The following ADAMTS17 variants were observed in gnomAD, a reference collection of about 807,000 sequenced individuals.
ADAMTS17 encodes A disintegrin and metalloproteinase with thrombospondin motifs 17.
In ADAMTS17, 113 loss-of-function variants were observed where a neutral mutation model predicts 141.5. That is an observed-to-expected ratio of 0.80 (90% CI 0.69 to 0.93). The LOEUF (loss-of-function observed/expected upper bound fraction) is 0.93, where lower values mean the gene tolerates loss of function less well. ADAMTS17 is among the 40% of genes least tolerant of loss of function. The pLI is 0.00. For synonymous variants in ADAMTS17, 768 were observed against 630.6 expected, an observed-to-expected ratio of 1.22 and a Z score of -3.27; for missense variants, 1,659 against 1,517.9, an observed-to-expected ratio of 1.09 and a Z score of -1.54.
intron 13 of ADAMTS17, 94 bp downstream of exon 13, chr15:100,116,753 G>T: frequency 6.4e-7 from 1 of 1,574,514 alleles, no homozygotes; most frequent in South Asian, 1.1e-5. Flanking sequence ...GGGTTGGTTT[G>T]GGAAAGGGAT....
chr15:100,078,056 G>T (rs928335616), intron 15 of ADAMTS17, among the ~76,000 whole-genome samples: 1 of 152,178 alleles, frequency 6.6e-6, no homozygotes, highest in African/African-American at 2.4e-5. Context: ...TGGAGGGTTT[G>T]TAAGATGAAG....
chr15:100,330,979 G>A lies in ADAMTS17; in HGVS notation c.526C>T (p.Arg176Ter), dbSNP rs369489185. The change falls in exon 3 of 22, where the codon CGA becomes TGA. Residue 176 changes from arginine (R) to a stop codon, truncating the protein, a stop_gained. Coordinates refer to ENST00000268070, the MANE Select transcript of ADAMTS17 (RefSeq NM_139057.4). LOFTEE classifies it high-confidence loss of function. The part of the protein sequence containing the change: ...LNNSQGPFSG[R>*]EHLIRRKWSL... ...CATTTGCGCCTGATCAGATGTTCTC[G>A]TCCACTGAATGGGCCCTGGGAGTTG... 19 of 1,614,114 alleles carry A rather than the reference G, an allele frequency of 1.2e-5. No individual in the cohort carries two copies. The highest frequency in any genetic ancestry group is 1.5e-5 in the Non-Finnish European group (18 of 1,180,032).
intron 2 of ADAMTS17, among the ~76,000 whole-genome samples, chr15:100,340,603 C>G (rs2046333734): frequency 6.6e-6 from 1 of 152,298 alleles, no homozygotes; most frequent in South Asian, 2.1e-4. Flanking sequence ...CCCACTCCCC[C>G]ACCTCCAAGT....
chr15:100,075,914 T>C (rs142676662), intron 15 of ADAMTS17, among the ~76,000 whole-genome samples: 33 of 152,364 alleles, frequency 2.2e-4, no homozygotes, highest in African/African-American at 7.7e-4. Flanking sequence ...GTTTCTGTGA[T>C]GGATTCAGTG....
intron 18 of ADAMTS17, among the ~76,000 whole-genome samples, chr15:99,998,708 G>A (rs1336695448): frequency 6.6e-6 from 1 of 152,194 alleles, no homozygotes; most frequent in Admixed American, 6.5e-5. Flanking sequence ...GAAAGCAGCT[G>A]AGCAGCTTGG....
At chr15:100,019,997 T>TG (rs890524061) in intron 18 of ADAMTS17, among the ~76,000 whole-genome samples, 10 of 55,266 alleles carry the variant, frequency 1.8e-4, no homozygotes, top group African/African-American at 1.3e-3. Flanking sequence ...TCCTAAGATT[T>TG]GGAAAAAAAA....
At chr15:100,076,460 T>G (rs1450924366) in intron 15 of ADAMTS17, among the ~76,000 whole-genome samples, 1 of 152,216 alleles carries the variant, frequency 6.6e-6, no homozygotes, top group African/African-American at 2.4e-5. Flanking sequence ...TTTTAAAAAG[T>G]CATATGTTTT....
Position 100,160,844 on chromosome 15 carries a change from A to G in ADAMTS17, c.1182-5524T>C, listed in dbSNP as rs2039658602. Among the ~76,000 whole-genome samples the G allele has an allele frequency of 2.0e-5, 3 of 152,230 alleles. No homozygotes were observed. In the East Asian group the frequency reaches 5.8e-4, roughly 29 times the overall value. ...TCATCACTTTACAGTTTGATTAACC[A>G]GCATTAGACCGGGAGGAGCCTTGAT... is the stretch of plus-strand genomic sequence containing the variant. On this transcript the variant is annotated intron_variant, in intron 8 of 21. Coordinates refer to ENST00000268070, the MANE Select transcript of ADAMTS17 (RefSeq NM_139057.4).
chr15:100,249,474 G>C (rs1479377545), intron 7 of ADAMTS17, among the ~76,000 whole-genome samples: 1 of 152,212 alleles, frequency 6.6e-6, no homozygotes, highest in Non-Finnish European at 1.5e-5. Flanking sequence ...CAGTGCAGGT[G>C]GGGTGGGGAG....
chr15:99,972,325 G>T lies in ADAMTS17; in HGVS notation c.*2077C>A, dbSNP rs1597463011. ...GCAGACTTTAGGGGAACTAATGGGG[G>T]TATCTGACAATAACCCAATCAATCC... On this transcript the variant is annotated 3_prime_UTR_variant, in exon 22 of 22. Transcript: ENST00000268070. 7 of 152,168 alleles carry T rather than the reference G, an allele frequency of 4.6e-5. No individual in the cohort carries two copies. The highest frequency in any genetic ancestry group is 3.9e-4 in the Admixed American group (6 of 15,284). 9.4% of individuals were successfully genotyped at this position (152,168 alleles called of 1,614,324 possible). A position where few individuals can be genotyped will look rare whatever the true frequency, so the allele number is the denominator to read the frequency against.
At chr15:100,240,381 C>T (rs1021327435) in intron 7 of ADAMTS17, among the ~76,000 whole-genome samples, 1 of 152,228 alleles carries the variant, frequency 6.6e-6, no homozygotes, top group Non-Finnish European at 1.5e-5. Flanking sequence ...TGGAGGGTAG[C>T]AACATATGCC....
At chr15:100,173,678 G>A (rs1487779371) in intron 8 of ADAMTS17, among the ~76,000 whole-genome samples, 1 of 152,220 alleles carries the variant, frequency 6.6e-6, no homozygotes. Flanking sequence ...AAGCTACTGA[G>A]CCTATGTCTC....
intron 16 of ADAMTS17, among the ~76,000 whole-genome samples, chr15:100,053,631 G>A (rs1472449912): frequency 1.3e-5 from 2 of 152,134 alleles, no homozygotes; most frequent in African/African-American, 4.8e-5. Flanking sequence ...CTTCTTTGAG[G>A]CAGCTCCTTT....
intron 3 of ADAMTS17, among the ~76,000 whole-genome samples, chr15:100,317,591 G>A (rs570801773): frequency 6.6e-6 from 1 of 152,282 alleles, no homozygotes; most frequent in South Asian, 2.1e-4. Context: ...CTCTCGCAGG[G>A]CACGCAAGAA....
chr15:100,113,878 G>A (rs1247134069), intron 13 of ADAMTS17, among the ~76,000 whole-genome samples: 1 of 152,206 alleles, frequency 6.6e-6, no homozygotes, highest in Non-Finnish European at 1.5e-5. Flanking sequence ...ACGTCCAGAC[G>A]CAGCCTTTGC....
At chr15:100,253,599 T>G (rs2043230999) in intron 7 of ADAMTS17, among the ~76,000 whole-genome samples, 1 of 150,938 alleles carries the variant, frequency 6.6e-6, no homozygotes, top group African/African-American at 2.5e-5. Context: ...GAAAGGGTGT[T>G]TTCTCAGCAC....
intron 15 of ADAMTS17, among the ~76,000 whole-genome samples, chr15:100,082,967 G>T (rs1170701003): frequency 1.3e-5 from 2 of 152,074 alleles, no homozygotes; most frequent in African/African-American, 4.8e-5. Flanking sequence ...GCGTTTCCTA[G>T]AGGTGCTGTG....
At chr15:100,286,104 G>A (rs551542365) in intron 3 of ADAMTS17, among the ~76,000 whole-genome samples, 17 of 152,150 alleles carry the variant, frequency 1.1e-4, no homozygotes, top group African/African-American at 3.6e-4. Context: ...AGCCTCCACC[G>A]ACGCGACCAG....
At chr15:100,215,678 C>T (rs1041723896) in intron 7 of ADAMTS17, among the ~76,000 whole-genome samples, 5 of 152,000 alleles carry the variant, frequency 3.3e-5, no homozygotes, top group African/African-American at 1.2e-4. Flanking sequence ...TGGTCCCTCC[C>T]CAGGTGTAAG....
Sources: gnomAD v4.1 joint callset for allele counts (sites outside exome capture counted in the v4.1 genomes callset) on GRCh38, gnomAD v4.1.1 for gene constraint, MANE v1.5 for transcripts, NCBI Gene and HGNC (gene_info 2026-07-23, HGNC 2026-07-21) for gene names.